CADM2: variants seen among roughly 807,000 people sequenced by gnomAD.
CADM2 encodes the protein immunoglobulin superfamily member 4D.
In CADM2, 12 loss-of-function variants were observed where a neutral mutation model predicts 49.8. The ratio of observed to expected loss-of-function variants is 0.24; its 90% CI spans 0.15 to 0.39. The LOEUF (loss-of-function observed/expected upper bound fraction) is 0.39. Among genes scored for constraint, CADM2 ranks in the 10% least tolerant of loss-of-function variants. CADM2 has a pLI of 1.00. For missense variants in CADM2, 378 were observed against 492.3 expected (o/e 0.77, Z 2.20); for synonymous variants, 214 against 175.4 (o/e 1.22, Z -1.74).
intron 1 of CADM2, among the ~76,000 whole-genome samples, chr3:85,576,128 A>G (rs1030334325): frequency 6.6e-6 from 1 of 152,184 alleles, no homozygotes; most frequent in East Asian, 1.9e-4. Context: ...CAGATTGTCA[A>G]CTTTGTTTTA....
At chr3:85,174,149 C>T (rs977155951) in intron 1 of CADM2, among the ~76,000 whole-genome samples, 2 of 152,162 alleles carry the variant, frequency 1.3e-5, no homozygotes, top group African/African-American at 2.4e-5. Flanking sequence ...GAAAGTTCAT[C>T]ATTCAATTGA....
At chr3:85,759,418 C>A (rs999602197) in intron 2 of CADM2, among the ~76,000 whole-genome samples, 4 of 152,032 alleles carry the variant, frequency 2.6e-5, no homozygotes, top group Non-Finnish European at 4.4e-5. Flanking sequence ...CAATGCAACA[C>A]AAACACAATA....
At chr3:85,056,621 A>G (rs1400802561) in intron 1 of CADM2, among the ~76,000 whole-genome samples, 1 of 152,100 alleles carries the variant, frequency 6.6e-6, no homozygotes, top group Non-Finnish European at 1.5e-5. Context: ...GCCCTGAGCA[A>G]CTTACTTTAC....
chr3:85,107,955 G>A (rs895771873), intron 1 of CADM2, among the ~76,000 whole-genome samples: 2 of 151,802 alleles, frequency 1.3e-5, no homozygotes, highest in Non-Finnish European at 2.9e-5. Flanking sequence ...ACCCACCTTG[G>A]CCTCCCAAAG....
intron 1 of CADM2, among the ~76,000 whole-genome samples, chr3:85,581,168 C>T (rs150485981): frequency 1.4e-3 from 220 of 152,098 alleles, no homozygotes; most frequent in African/African-American, 5.0e-3. Flanking sequence ...TTACATTGCA[C>T]GTACATTTGT....
intron 3 of CADM2, among the ~76,000 whole-genome samples, chr3:85,812,725 G>T (rs1178274155): frequency 6.6e-6 from 1 of 151,958 alleles, no homozygotes; most frequent in Admixed American, 6.6e-5. Context: ...ACAGGCCTCA[G>T]TGTGTGATGT....
chr3:86,028,480 T>A (rs1734183895), intron 8 of CADM2, among the ~76,000 whole-genome samples: 1 of 152,136 alleles, frequency 6.6e-6, no homozygotes, highest in South Asian at 2.1e-4. Context: ...AATGAATAGA[T>A]CATATGAGAG....
chr3:85,778,923 A>G (rs953285151), intron 2 of CADM2, among the ~76,000 whole-genome samples: 3 of 152,298 alleles, frequency 2.0e-5, no homozygotes, highest in African/African-American at 4.8e-5. Context: ...GCAACACACA[A>G]AGATCTATTG....
At chr3:85,875,540 A>G (rs1711707878) in intron 3 of CADM2, among the ~76,000 whole-genome samples, 1 of 152,194 alleles carries the variant, frequency 6.6e-6, no homozygotes, top group African/African-American at 2.4e-5. Flanking sequence ...TCTAAGTAGT[A>G]GAAAAATTAT....
intron 2 of CADM2, among the ~76,000 whole-genome samples, chr3:85,735,957 C>T (rs2068115402): frequency 6.6e-6 from 1 of 151,966 alleles, no homozygotes; most frequent in Middle Eastern, 3.2e-3. Flanking sequence ...TTTAGATAAA[C>T]TATCTGAAAA....
At chr3:85,854,234 T>C (rs901467474) in intron 3 of CADM2, among the ~76,000 whole-genome samples, 2 of 152,142 alleles carry the variant, frequency 1.3e-5, no homozygotes, top group East Asian at 1.9e-4. Context: ...ATAAAAATAA[T>C]GTGGGTGTTC....
At chr3:85,156,980 C>T (rs1384619246) in intron 1 of CADM2, among the ~76,000 whole-genome samples, 2 of 152,134 alleles carry the variant, frequency 1.3e-5, no homozygotes, top group Non-Finnish European at 2.9e-5. Context: ...TGATAAGCAA[C>T]TTCAGCAAAG....
chr3:85,489,806 T>A (rs55994690), intron 1 of CADM2, among the ~76,000 whole-genome samples: 69,953 of 143,626 alleles, frequency 0.49, 18,923 homozygotes, highest in East Asian at 0.82. Flanking sequence ...TGTGTGTGTG[T>A]GAGAGAGAGA....
chr3:85,494,868 G>C (rs77218107), intron 1 of CADM2, among the ~76,000 whole-genome samples: 9 of 152,264 alleles, frequency 5.9e-5, no homozygotes, highest in Non-Finnish European at 1.2e-4. Context: ...GTAGGTCTAT[G>C]CTGATGTCAC....
At chr3:86,022,208 A>G (rs1733283266) in intron 8 of CADM2, among the ~76,000 whole-genome samples, 1 of 152,186 alleles carries the variant, frequency 6.6e-6, no homozygotes, top group Non-Finnish European at 1.5e-5. Flanking sequence ...ATAAATACAC[A>G]TACACACAAG....
At chr3:85,329,132 A>G (rs1033278779) in intron 1 of CADM2, among the ~76,000 whole-genome samples, 2 of 152,158 alleles carry the variant, frequency 1.3e-5, no homozygotes, top group Non-Finnish European at 2.9e-5. Flanking sequence ...ATGACCATCT[A>G]CAAGCTAAGG....
chr3:85,697,679 G>A (rs1272415312), intron 1 of CADM2, among the ~76,000 whole-genome samples: 1 of 152,170 alleles, frequency 6.6e-6, no homozygotes, highest in Non-Finnish European at 1.5e-5. Flanking sequence ...AAAAGACAGG[G>A]AGATTGGGAC....
At chr3:85,056,385 G>A (rs186406704) in intron 1 of CADM2, among the ~76,000 whole-genome samples, 3 of 152,166 alleles carry the variant, frequency 2.0e-5, no homozygotes, top group African/African-American at 7.2e-5. Context: ...CATTTAACAA[G>A]GGAATGGGTT....
chr3:86,013,269 G>C, intron 8 of CADM2: 4 of 1,512,776 alleles, frequency 2.6e-6, no homozygotes, highest in Non-Finnish European at 3.6e-6. Context: ...CAGTGAAGAA[G>C]AGGGTGAAGG....
Sources: gnomAD v4.1 joint callset for allele counts (sites outside exome capture counted in the v4.1 genomes callset) on GRCh38, gnomAD v4.1.1 for gene constraint, MANE v1.5 for transcripts, NCBI Gene and HGNC (gene_info 2026-07-23, HGNC 2026-07-21) for gene names.